Variants in ARMC3 observed in about 807,000 individuals in gnomAD.
The protein encoded by ARMC3 is armadillo repeat containing 3.
A neutral mutation model predicts 90.3 loss-of-function variants in ARMC3; 74 were observed. That is an observed-to-expected ratio of 0.82 (90% CI 0.68 to 0.99). The LOEUF (loss-of-function observed/expected upper bound fraction) is 0.99, where lower values mean the gene tolerates loss of function less well. Among genes scored for constraint, ARMC3 ranks in the 50% least tolerant of loss-of-function variants. The probability of loss-of-function intolerance (pLI) is 0.00; values close to 1 mark genes in which losing one functional copy is unlikely to be tolerated. For synonymous variants in ARMC3, 334 were observed against 361.8 expected (o/e 0.92, Z 0.87); for missense variants, 958 against 1,042.8 (o/e 0.92, Z 1.12).
At chr10:23,008,457 G>A in intron 15 of ARMC3, 83 bp downstream of exon 15, 1 of 784,652 alleles carries the variant, frequency 1.3e-6, no homozygotes, top group Non-Finnish European at 2.1e-6. Flanking sequence ...TTTAGATTGG[G>A]GCAACTTGAT....
chr10:22,958,048 C>T (rs565087559), intron 4 of ARMC3, among the ~76,000 whole-genome samples: 15 of 152,068 alleles, frequency 9.9e-5, no homozygotes, highest in African/African-American at 3.1e-4. Flanking sequence ...GGTGACAGAG[C>T]GAAACCCTGT....
chr10:22,982,662 C>T (rs1164921955), intron 10 of ARMC3, among the ~76,000 whole-genome samples: 2 of 152,150 alleles, frequency 1.3e-5, no homozygotes, highest in African/African-American at 4.8e-5. Flanking sequence ...TTAAGACTGC[C>T]TTATAAGACA....
chr10:23,014,747 T>C lies in ARMC3; in HGVS notation c.2045+5816T>C, dbSNP rs143003079. On this transcript the variant is annotated intron_variant, in intron 16 of 18. Coordinates refer to ENST00000298032, the MANE Select transcript of ARMC3 (RefSeq NM_173081.5). ...TTCTCACTTATAAGTGGGAGCTAAA[T>C]GATGAGAGCACATGGACCCATAGAG... Among the ~76,000 whole-genome samples, 1,091 of 151,974 alleles carry C rather than the reference T, an allele frequency of 7.2e-3. 20 individuals are homozygous for C. Among genetic ancestry groups the C allele is most frequent in the African/African-American group, 0.024 (976 of 41,428 alleles).
chr10:23,004,810 G>A (rs7072923), intron 13 of ARMC3, among the ~76,000 whole-genome samples: 3,071 of 152,116 alleles, frequency 0.02, 105 homozygotes, highest in African/African-American at 0.072. Context: ...CACCACTGCC[G>A]TACTCCATAA....
At chr10:23,027,542 G>A (rs899934933) in intron 16 of ARMC3, among the ~76,000 whole-genome samples, 1 of 152,036 alleles carries the variant, frequency 6.6e-6, no homozygotes, top group Non-Finnish European at 1.5e-5. Context: ...GAATTCCTTG[G>A]GAGTTTCTAC....
intron 16 of ARMC3, among the ~76,000 whole-genome samples, chr10:23,026,521 A>G (rs1338137826): frequency 2.0e-5 from 3 of 152,174 alleles, no homozygotes; most frequent in Admixed American, 6.5e-5. Context: ...GCATTTGGCA[A>G]AATTCAACAT....
chr10:23,029,310 A>C (rs1838828046), intron 16 of ARMC3, among the ~76,000 whole-genome samples: 1 of 152,184 alleles, frequency 6.6e-6, no homozygotes, highest in Admixed American at 6.5e-5. Flanking sequence ...TCATCAGTAG[A>C]GTATTAATTC....
intron 8 of ARMC3, among the ~76,000 whole-genome samples, chr10:22,978,707 T>C (rs1336231831): frequency 6.6e-6 from 1 of 152,234 alleles, no homozygotes; most frequent in African/African-American, 2.4e-5. Context: ...ATTGAAAGCA[T>C]ATAATCATGA....
chr10:23,000,830 C>G (rs571343363), intron 11 of ARMC3, among the ~76,000 whole-genome samples: 1 of 152,278 alleles, frequency 6.6e-6, no homozygotes, highest in Admixed American at 6.5e-5. Context: ...CACATTCAAG[C>G]TGGTAGAATA....
intron 8 of ARMC3, among the ~76,000 whole-genome samples, chr10:22,972,966 A>G (rs530935736): frequency 3.9e-5 from 6 of 152,218 alleles, no homozygotes; most frequent in African/African-American, 1.4e-4. Context: ...TTTCTCAGTC[A>G]GTACCCAGAG....
At chr10:22,948,521 T>C (rs1224744798) in intron 3 of ARMC3, among the ~76,000 whole-genome samples, 6 of 151,806 alleles carry the variant, frequency 4.0e-5, no homozygotes, top group Non-Finnish European at 8.8e-5. Flanking sequence ...TAACAATGAA[T>C]GAAACAGACC....
At chr10:22,998,482 A>G in intron 11 of ARMC3, 85 bp downstream of exon 11, 2 of 1,506,570 alleles carry the variant, frequency 1.3e-6, no homozygotes, top group Non-Finnish European at 1.8e-6. Context: ...TAAGTGATTG[A>G]ACCTACCTGT....
At chr10:22,932,359 TC>T (rs1357811394) in intron 2 of ARMC3, among the ~76,000 whole-genome samples, 1 of 152,254 alleles carries the variant, frequency 6.6e-6, no homozygotes, top group Non-Finnish European at 1.5e-5. Flanking sequence ...TTTGCCAGCC[TC>T]TCATTTATGT....
intron 8 of ARMC3, among the ~76,000 whole-genome samples, chr10:22,978,915 C>T (rs1014225822): frequency 6.6e-5 from 10 of 152,252 alleles, no homozygotes; most frequent in African/African-American, 2.4e-4. Context: ...ACAGTCGAAA[C>T]GTCCAAACTC....
At chr10:22,999,514 G>C (rs982107218) in intron 11 of ARMC3, among the ~76,000 whole-genome samples, 5 of 152,180 alleles carry the variant, frequency 3.3e-5, no homozygotes, top group African/African-American at 1.2e-4. Flanking sequence ...CTGGGACTTT[G>C]TTCTTCTCTG....
intron 6 of ARMC3, chr10:22,961,555 C>A: frequency 4.7e-6 from 1 of 213,880 alleles, no homozygotes; most frequent in Non-Finnish European, 9.2e-6. Flanking sequence ...CTATTTGAAG[C>A]AGTATATCCA....
intron 3 of ARMC3, among the ~76,000 whole-genome samples, chr10:22,950,878 G>T (rs1377359273): frequency 6.6e-6 from 1 of 150,394 alleles, no homozygotes; most frequent in Non-Finnish European, 1.5e-5. Context: ...TAGTACCAGA[G>T]ATAAAGAAGG....
At chr10:23,005,420 G>C (rs1837551935) in intron 13 of ARMC3, among the ~76,000 whole-genome samples, 1 of 152,162 alleles carries the variant, frequency 6.6e-6, no homozygotes, top group Non-Finnish European at 1.5e-5. Flanking sequence ...GATTCATTCA[G>C]TAAATATTGT....
At chr10:23,004,306 T>C (rs1407231694) in intron 13 of ARMC3, among the ~76,000 whole-genome samples, 1 of 152,122 alleles carries the variant, frequency 6.6e-6, no homozygotes, top group African/African-American at 2.4e-5. Context: ...GGGGAAAATG[T>C]TAAAAACCCA....
Sources: gnomAD v4.1 joint callset for allele counts (sites outside exome capture counted in the v4.1 genomes callset) on GRCh38, gnomAD v4.1.1 for gene constraint, MANE v1.5 for transcripts, NCBI Gene and HGNC (gene_info 2026-07-23, HGNC 2026-07-21) for gene names.